TMEM117: variants seen among roughly 807,000 people sequenced by gnomAD.
TMEM117 encodes the protein transmembrane protein 117.
A neutral mutation model predicts 52.4 loss-of-function variants in TMEM117; 27 were observed. That is an observed-to-expected ratio of 0.51 (90% CI 0.38 to 0.71). The LOEUF is 0.71. Ranked by LOEUF, TMEM117 falls within the 30% of genes least tolerant of loss-of-function variation. The pLI, the probability that TMEM117 is intolerant of heterozygous loss-of-function variation, is 0.00. For synonymous variants in TMEM117, 215 were observed against 206.3 expected (o/e 1.04, Z -0.36); for missense variants, 556 against 630.5 (o/e 0.88, Z 1.26).
At chr12:44,040,649 A>G (rs1242395294) in intron 3 of TMEM117, among the ~76,000 whole-genome samples, 1 of 152,112 alleles carries the variant, frequency 6.6e-6, no homozygotes, top group African/African-American at 2.4e-5. Flanking sequence ...GTATTATTGC[A>G]TTGACATGAA....
intron 2 of TMEM117, among the ~76,000 whole-genome samples, chr12:43,849,963 A>G (rs1169525844): frequency 6.6e-6 from 1 of 152,044 alleles, no homozygotes; most frequent in Non-Finnish European, 1.5e-5. Flanking sequence ...CTTGTTCATT[A>G]TGGATTTTGC....
chr12:43,936,755 ATATT>A (rs1944957845), intron 2 of TMEM117, among the ~76,000 whole-genome samples: 1 of 152,272 alleles, frequency 6.6e-6, no homozygotes, highest in East Asian at 1.9e-4. Flanking sequence ...AAAGACCAAT[ATATT>A]TATTCCGGAT....
intron 2 of TMEM117, among the ~76,000 whole-genome samples, chr12:43,902,498 A>T (rs138430060): frequency 1.3e-5 from 2 of 152,314 alleles, no homozygotes; most frequent in Admixed American, 6.5e-5. Context: ...ACATTGAGCT[A>T]AAGTTCCCTT....
intron 3 of TMEM117, among the ~76,000 whole-genome samples, chr12:44,107,314 TA>T (rs1180305635): frequency 6.6e-6 from 1 of 152,136 alleles, no homozygotes; most frequent in Non-Finnish European, 1.5e-5. Flanking sequence ...ACTCCATGTA[TA>T]TTTGTCCAAT....
chr12:44,129,444 T>C (rs975674940), intron 3 of TMEM117, among the ~76,000 whole-genome samples: 13 of 151,668 alleles, frequency 8.6e-5, no homozygotes, highest in Non-Finnish European at 4.4e-5. Flanking sequence ...TGCAGAGCTT[T>C]ACTAGAGTCA....
chr12:43,887,971 C>G (rs905581920), intron 2 of TMEM117, among the ~76,000 whole-genome samples: 2 of 152,138 alleles, frequency 1.3e-5, no homozygotes, highest in Admixed American at 6.5e-5. Context: ...TAAGATGGCT[C>G]TATGTGTTTT....
chr12:43,857,748 C>T (rs1943425441), intron 2 of TMEM117, among the ~76,000 whole-genome samples: 1 of 152,114 alleles, frequency 6.6e-6, no homozygotes, highest in African/African-American at 2.4e-5. Flanking sequence ...TTCCTTTTAT[C>T]TTTTATTAAT....
At chr12:43,900,411 C>T (rs930267574) in intron 2 of TMEM117, among the ~76,000 whole-genome samples, 2 of 152,092 alleles carry the variant, frequency 1.3e-5, no homozygotes, top group African/African-American at 2.4e-5. Flanking sequence ...AAGAAACTCT[C>T]ATGCCCTTAA....
At chr12:44,058,445 C>T (rs1459914026) in intron 3 of TMEM117, among the ~76,000 whole-genome samples, 1 of 152,152 alleles carries the variant, frequency 6.6e-6, no homozygotes, top group East Asian at 1.9e-4. Context: ...CCAATGTAAT[C>T]ATTTTCTCAG....
chr12:43,944,441 C>A, intron 3 of TMEM117, 99 bp downstream of exon 3: 1 of 1,112,720 alleles, frequency 9.0e-7, no homozygotes, highest in Non-Finnish European at 1.3e-6. Context: ...GTCTGCTTTA[C>A]AAATATTCTA....
chr12:44,091,395 C>G (rs1947669238), intron 3 of TMEM117, among the ~76,000 whole-genome samples: 1 of 152,146 alleles, frequency 6.6e-6, no homozygotes, highest in Non-Finnish European at 1.5e-5. Context: ...TCATGCTTAG[C>G]CTGCCAACAT....
intron 5 of TMEM117, among the ~76,000 whole-genome samples, chr12:44,226,226 T>C (rs530033583): frequency 2.0e-5 from 3 of 152,272 alleles, no homozygotes; most frequent in Admixed American, 6.5e-5. Context: ...TGCACCTGTT[T>C]CACAATCTGT....
chr12:44,289,606 G>A (rs1379282516), intron 5 of TMEM117, among the ~76,000 whole-genome samples: 2 of 139,004 alleles, frequency 1.4e-5, no homozygotes, highest in Non-Finnish European at 3.0e-5. Context: ...AGGCTGGAGT[G>A]CAGTGGCACA....
At chr12:44,219,945 G>A (rs1314355526) in intron 5 of TMEM117, among the ~76,000 whole-genome samples, 1 of 152,038 alleles carries the variant, frequency 6.6e-6, no homozygotes, top group Admixed American at 6.6e-5. Flanking sequence ...CAAACATGAA[G>A]TCTTCAGTAT....
At chr12:43,936,258 G>T (rs919623052) in intron 2 of TMEM117, among the ~76,000 whole-genome samples, 1 of 152,110 alleles carries the variant, frequency 6.6e-6, no homozygotes, top group Non-Finnish European at 1.5e-5. Context: ...GAAGAGTTTG[G>T]ATGTAAGGAC....
intron 2 of TMEM117, among the ~76,000 whole-genome samples, chr12:43,898,604 C>A (rs993528439): frequency 1.3e-5 from 2 of 151,872 alleles, no homozygotes; most frequent in Non-Finnish European, 2.9e-5. Flanking sequence ...CTTCAGTGTT[C>A]CAGGAGTGAG....
intron 2 of TMEM117, among the ~76,000 whole-genome samples, chr12:43,855,437 A>G (rs934034359): frequency 2.0e-5 from 3 of 152,178 alleles, no homozygotes; most frequent in Admixed American, 6.6e-5. Flanking sequence ...AGCCAGCTGC[A>G]TAAAAATCAT....
intron 2 of TMEM117, among the ~76,000 whole-genome samples, chr12:43,885,414 C>CTTTTTTTTTTTTT (rs63547361): frequency 2.2e-5 from 3 of 136,934 alleles, no homozygotes; most frequent in Admixed American, 7.4e-5. Flanking sequence ...TTTTTCTTTT[C>CTTTTTTTTTTTTT]TTTTCTTTTT....
At chr12:43,905,607 C>A (rs1156322388) in intron 2 of TMEM117, among the ~76,000 whole-genome samples, 1 of 152,066 alleles carries the variant, frequency 6.6e-6, no homozygotes, top group Non-Finnish European at 1.5e-5. Flanking sequence ...CTTTGATCTG[C>A]AGCTTGAGAG....
Sources: gnomAD v4.1 joint callset for allele counts (sites outside exome capture counted in the v4.1 genomes callset) on GRCh38, gnomAD v4.1.1 for gene constraint, MANE v1.5 for transcripts, NCBI Gene and HGNC (gene_info 2026-07-23, HGNC 2026-07-21) for gene names.